CD2AP: variants seen among roughly 807,000 people sequenced by gnomAD.
The protein encoded by CD2AP is CD2-associated protein.
CD2AP carries 46 observed loss-of-function variants against 85.1 expected under a neutral mutation model. That is an observed-to-expected ratio of 0.54 (90% CI 0.43 to 0.69). The LOEUF is 0.69. Among genes scored for constraint, CD2AP ranks in the 30% least tolerant of loss-of-function variants. The probability of loss-of-function intolerance (pLI) is 0.00; values close to 1 mark genes in which losing one functional copy is unlikely to be tolerated. For synonymous variants in CD2AP, 255 were observed against 252.9 expected, an observed-to-expected ratio of 1.01 and a Z score of -0.08; for missense variants, 769 against 729.5, an observed-to-expected ratio of 1.05 and a Z score of -0.62.
At chr6:47,607,635 A>G (rs529327157) in intron 14 of CD2AP, among the ~76,000 whole-genome samples, 1 of 152,184 alleles carries the variant, frequency 6.6e-6, no homozygotes, top group South Asian at 2.1e-4. Flanking sequence ...CATTGCCTGG[A>G]GTACTGGTGG....
chr6:47,618,326 A>G (rs1312284947), intron 17 of CD2AP, among the ~76,000 whole-genome samples: 1 of 152,140 alleles, frequency 6.6e-6, no homozygotes, highest in Non-Finnish European at 1.5e-5. Flanking sequence ...TCAAAAAAAA[A>G]CGAGTAGTCT....
chr6:47,551,435 G>T (rs895551542), intron 4 of CD2AP, among the ~76,000 whole-genome samples: 1 of 152,104 alleles, frequency 6.6e-6, no homozygotes, highest in African/African-American at 2.4e-5. Flanking sequence ...TCACTTGGTT[G>T]CAGTAATAAT....
rs554402529 is a variant in CD2AP at position 47,552,397 on chromosome 6, A to T, written c.421-2249A>T. Among the ~76,000 whole-genome samples the T allele has an allele frequency of 5.9e-5, 9 of 151,946 alleles. No individual in the cohort carries two copies. The South Asian group carries it at 1.9e-3, about 32-fold the overall frequency. On this transcript the variant is annotated intron_variant, in intron 4 of 17. Coordinates refer to ENST00000359314, the MANE Select transcript of CD2AP (RefSeq NM_012120.3). ...CACATATGAGTGAGAACATACGATG[A>T]TTGGTTTTCCATTCTTGAGTTACTT...
chr6:47,494,899 T>C (rs1446632679), intron 1 of CD2AP, among the ~76,000 whole-genome samples: 1 of 152,204 alleles, frequency 6.6e-6, no homozygotes, highest in African/African-American at 2.4e-5. Flanking sequence ...GGCTCACGCC[T>C]GTTGTAATCT....
At chr6:47,522,663 A>C (rs183772627) in intron 2 of CD2AP, among the ~76,000 whole-genome samples, 2 of 152,258 alleles carry the variant, frequency 1.3e-5, no homozygotes, top group Admixed American at 1.3e-4. Flanking sequence ...ACAAATGAAT[A>C]AAAATCACTC....
chr6:47,505,732 T>A (rs1475525235), intron 2 of CD2AP, among the ~76,000 whole-genome samples: 1 of 57,058 alleles, frequency 1.8e-5, no homozygotes, highest in African/African-American at 6.1e-5. Context: ...GGCTCCTCAC[T>A]TCCCAGTAGG....
At position 47,568,115 on chromosome 6, in the gene CD2AP, A is replaced by C. The variant is rs182526839; in HGVS notation, c.542-5949A>C. Among the ~76,000 whole-genome samples the C allele has an allele frequency of 2.0e-5, 3 of 152,330 alleles. No individual in the cohort carries two copies. In the East Asian group the frequency reaches 5.8e-4, roughly 29 times the overall value. ...GGGGATGACCGAAAAAGAGGAGCCAACTGCTACCAGGTTTTTGGCTTTGTA... is the reference window on the plus strand; with the variant it reads ...GGGGATGACCGAAAAAGAGGAGCCACCTGCTACCAGGTTTTTGGCTTTGTA... On this transcript the variant is annotated intron_variant, in intron 5 of 17. Coordinates refer to ENST00000359314, the MANE Select transcript of CD2AP (RefSeq NM_012120.3).
intron 11 of CD2AP, among the ~76,000 whole-genome samples, chr6:47,590,673 A>G (rs181880268): frequency 6.6e-6 from 1 of 152,226 alleles, no homozygotes; most frequent in Admixed American, 6.5e-5. Flanking sequence ...GGATCTTAGC[A>G]CCAATCCTCT....
intron 11 of CD2AP, among the ~76,000 whole-genome samples, chr6:47,583,671 G>C (rs1768541644): frequency 6.6e-6 from 1 of 152,166 alleles, no homozygotes; most frequent in South Asian, 2.1e-4. Context: ...CTCACTCACT[G>C]AGGGACATCG....
Position 47,607,935 on chromosome 6 carries a change from C to A in CD2AP, c.1539C>A (p.His513Gln). ...GRFNGGHSPT[H>Q]SPEKILKLPK... ...TCTAAAAAATCATTTAGCCAACTCA[C>A]AGCCCCGAAAAAATCTTGAAGTTAC... Residue 513 changes from histidine (H) to glutamine (Q), a missense_variant, in exon 15 of 18, where the codon CAC becomes CAA. By Grantham distance (24) the His-to-Gln change is conservative (BLOSUM62 0). Coordinates refer to ENST00000359314, the MANE Select transcript of CD2AP (RefSeq NM_012120.3). The A allele has an allele frequency of 6.2e-7, 1 of 1,611,342 alleles. No homozygotes were observed. Among genetic ancestry groups the A allele is most frequent in the Non-Finnish European group, 8.5e-7 (1 of 1,178,118 alleles).
At chr6:47,573,083 A>G (rs1768198793) in intron 5 of CD2AP, among the ~76,000 whole-genome samples, 1 of 152,224 alleles carries the variant, frequency 6.6e-6, no homozygotes, top group African/African-American at 2.4e-5. Context: ...TGTTTTATCC[A>G]GAAAAAAGTA....
intron 2 of CD2AP, among the ~76,000 whole-genome samples, chr6:47,520,730 G>A: frequency 1.2e-5 from 1 of 86,374 alleles, no homozygotes; most frequent in Non-Finnish European, 2.3e-5. Context: ...TGGTGCTACA[G>A]TTTTTTTTTT....
intron 1 of CD2AP, among the ~76,000 whole-genome samples, chr6:47,488,539 C>T (rs1233097711): frequency 6.6e-6 from 1 of 151,936 alleles, no homozygotes; most frequent in East Asian, 1.9e-4. Flanking sequence ...TACATTTTTT[C>T]TTATATATGA....
At chr6:47,560,106 G>A (rs1438112339) in intron 5 of CD2AP, among the ~76,000 whole-genome samples, 1 of 151,436 alleles carries the variant, frequency 6.6e-6, no homozygotes, top group Non-Finnish European at 1.5e-5. Context: ...TTTTTAACTT[G>A]GAGAAAAATT....
At chr6:47,582,139 C>A in intron 11 of CD2AP, 74 bp downstream of exon 11, 2 of 961,872 alleles carry the variant, frequency 2.1e-6, no homozygotes, top group Non-Finnish European at 3.4e-6. Flanking sequence ...TATTTCTCCA[C>A]ACTGAGTTAT....
intron 4 of CD2AP, among the ~76,000 whole-genome samples, chr6:47,553,526 T>C (rs1024785354): frequency 4.1e-5 from 6 of 147,724 alleles, no homozygotes; most frequent in African/African-American, 1.5e-4. Context: ...TTTTTTTTTT[T>C]TTTTTTTTTT....
chr6:47,591,661 T>C (rs959332694), intron 11 of CD2AP, among the ~76,000 whole-genome samples: 6 of 152,164 alleles, frequency 3.9e-5, no homozygotes, highest in Non-Finnish European at 8.8e-5. Flanking sequence ...TTGACCCTCA[T>C]CTGAATTAAT....
intron 1 of CD2AP, 67 bp downstream of exon 1, chr6:47,478,315 C>G: frequency 6.5e-7 from 1 of 1,548,294 alleles, no homozygotes; most frequent in Non-Finnish European, 8.7e-7. Flanking sequence ...TGTGCCCTTT[C>G]TCGGCCTTCT....
At chr6:47,542,257 A>G (rs1767233559) in intron 3 of CD2AP, among the ~76,000 whole-genome samples, 1 of 152,194 alleles carries the variant, frequency 6.6e-6, no homozygotes, top group Non-Finnish European at 1.5e-5. Context: ...TTAAATTATT[A>G]AGAAAAATCT....
Sources: gnomAD v4.1 joint callset for allele counts (sites outside exome capture counted in the v4.1 genomes callset) on GRCh38, gnomAD v4.1.1 for gene constraint, MANE v1.5 for transcripts, NCBI Gene and HGNC (gene_info 2026-07-23, HGNC 2026-07-21) for gene names.